Variants in CNTNAP5 observed in about 807,000 individuals in gnomAD.
The protein encoded by CNTNAP5 is contactin associated protein family member 5.
CNTNAP5 carries 72 observed loss-of-function variants against 150.2 expected under a neutral mutation model. That is an observed-to-expected ratio of 0.48 (90% CI 0.40 to 0.58). CNTNAP5 has a LOEUF of 0.58. Among genes scored for constraint, CNTNAP5 ranks in the 20% least tolerant of loss-of-function variants. The pLI, the probability that CNTNAP5 is intolerant of heterozygous loss-of-function variation, is 0.00. For missense variants in CNTNAP5, 1,636 were observed against 1,626.2 expected, an observed-to-expected ratio of 1.01 and a Z score of -0.10; for synonymous variants, 672 against 619.8, an observed-to-expected ratio of 1.08 and a Z score of -1.25.
At chr2:124,271,312 G>T (rs1249240474) in intron 3 of CNTNAP5, among the ~76,000 whole-genome samples, 1 of 152,100 alleles carries the variant, frequency 6.6e-6, no homozygotes, top group Non-Finnish European at 1.5e-5. Context: ...AGGAGTGCAG[G>T]ATTAGAAGGT....
At chr2:124,027,901 C>T (rs1223771527) in intron 1 of CNTNAP5, among the ~76,000 whole-genome samples, 3 of 152,140 alleles carry the variant, frequency 2.0e-5, no homozygotes, top group East Asian at 3.8e-4. Context: ...GTCTTCATAA[C>T]CTATGATGCA....
At chr2:124,407,129 A>G (rs572127811) in intron 3 of CNTNAP5, among the ~76,000 whole-genome samples, 7 of 152,272 alleles carry the variant, frequency 4.6e-5, no homozygotes, top group African/African-American at 1.7e-4. Flanking sequence ...TGCTGTTGTA[A>G]GTAGTGCTGT....
intron 8 of CNTNAP5, 79 bp downstream of exon 8, chr2:124,504,635 G>A (rs1024528778): frequency 7.1e-7 from 1 of 1,416,708 alleles, no homozygotes; most frequent in Admixed American, 1.9e-5. Flanking sequence ...AAAACATACA[G>A]AATCCAAATC....
chr2:124,388,376 A>G lies in CNTNAP5; in HGVS notation c.382-29067A>G, dbSNP rs1690988970. ...TGCAAAGCACTGCTGATGCCACTCCAGAAAGGCAAGCATGCGGTTCTGCAG... is the reference window on the plus strand; with the variant it reads ...TGCAAAGCACTGCTGATGCCACTCCGGAAAGGCAAGCATGCGGTTCTGCAG... On this transcript the variant is annotated intron_variant, in intron 3 of 23. Coordinates refer to ENST00000682447, the MANE Select transcript of CNTNAP5 (RefSeq NM_001367498.1). Among the ~76,000 whole-genome samples the G allele has an allele frequency of 2.0e-5, 3 of 152,204 alleles. No homozygotes were observed. In the South Asian group the frequency reaches 6.2e-4, roughly 32 times the overall value.
rs534854987 is a variant in CNTNAP5 at position 124,849,300 on chromosome 2, T to C, written c.3218-16006T>C. 1.2e-4 allele frequency among the ~76,000 whole-genome samples: 19 copies of C among 152,294 alleles called. No individual in the cohort carries two copies. The East Asian group carries it at 2.5e-3, about 20-fold the overall frequency. On this transcript the variant is annotated intron_variant, in intron 19 of 23. Transcript: ENST00000682447. ...AGTTGATCACAAATGTATAGGTTTA[T>C]TTCTGGGATCTCTCCTCTATTACTT...
intron 13 of CNTNAP5, among the ~76,000 whole-genome samples, chr2:124,693,691 C>T (rs964535973): frequency 6.6e-6 from 1 of 152,026 alleles, no homozygotes; most frequent in Non-Finnish European, 1.5e-5. Context: ...CTACTGGGCT[C>T]CACTGCCCTA....
rs72963812 is a variant in CNTNAP5 at position 124,825,156 on chromosome 2, G to A, written c.3217+26836G>A. On this transcript the variant is annotated intron_variant, in intron 19 of 23. Transcript: ENST00000682447. ...ACTGAGAGTGTTTGGTAAATATACC[G>A]CATTCTGCTATGGTCTATCTACACT... is the stretch of plus-strand genomic sequence containing the variant. Among the ~76,000 whole-genome samples, 1,125 of 151,920 alleles carry A rather than the reference G, an allele frequency of 7.4e-3. 17 individuals carry two copies. Among genetic ancestry groups the A allele is most frequent in the African/African-American group, 0.026 (1,061 of 41,440 alleles).
At chr2:124,810,009 G>GA (rs1241495800) in intron 19 of CNTNAP5, among the ~76,000 whole-genome samples, 5 of 152,152 alleles carry the variant, frequency 3.3e-5, no homozygotes, top group Admixed American at 6.5e-5. Flanking sequence ...GCAGATAGTG[G>GA]AAAAACACCA....
At chr2:124,682,622 T>C (rs911986442) in intron 13 of CNTNAP5, among the ~76,000 whole-genome samples, 1 of 152,202 alleles carries the variant, frequency 6.6e-6, no homozygotes, top group African/African-American at 2.4e-5. Flanking sequence ...GTAGTTTCTC[T>C]CGGGTAGACA....
chr2:124,805,002 T>G (rs57887748), intron 19 of CNTNAP5, among the ~76,000 whole-genome samples: 5,769 of 149,796 alleles, frequency 0.039, 349 homozygotes, highest in African/African-American at 0.14. Flanking sequence ...TACTCCTCTT[T>G]GTATGAAATA....
chr2:124,124,742 G>C (rs939440019), intron 1 of CNTNAP5, among the ~76,000 whole-genome samples: 27 of 152,188 alleles, frequency 1.8e-4, no homozygotes, highest in African/African-American at 6.3e-4. Context: ...AGCCAGAAGA[G>C]AGTGGGGGCC....
intron 1 of CNTNAP5, among the ~76,000 whole-genome samples, chr2:124,174,977 A>G (rs1481664308): frequency 6.6e-6 from 1 of 152,248 alleles, no homozygotes; most frequent in East Asian, 1.9e-4. Context: ...CTGAAGGCTC[A>G]GGTGATCATT....
Position 124,109,513 on chromosome 2 carries a change from T to A in CNTNAP5, c.82+83781T>A, listed in dbSNP as rs974253837. ...GCCTCTTGCCCACCCTTGGTTCAGA[T>A]AACAAGCGTATCCTGGAACAAAAGT... On this transcript the variant is annotated intron_variant, in intron 1 of 23. Transcript: ENST00000682447. Among the ~76,000 whole-genome samples, 3 of 152,198 alleles carry A rather than the reference T, an allele frequency of 2.0e-5. No homozygotes were observed. The South Asian group carries it at 6.2e-4, about 32-fold the overall frequency.
chr2:124,829,699 A>T (rs1178372458), intron 19 of CNTNAP5, among the ~76,000 whole-genome samples: 2 of 151,830 alleles, frequency 1.3e-5, no homozygotes, highest in Non-Finnish European at 2.9e-5. Flanking sequence ...ATCCATATTT[A>T]TTATTATTTA....
intron 4 of CNTNAP5, among the ~76,000 whole-genome samples, chr2:124,425,040 T>A (rs1486764156): frequency 6.6e-6 from 1 of 152,222 alleles, no homozygotes; most frequent in East Asian, 1.9e-4. Flanking sequence ...GACCAAGTAG[T>A]TGGATCAACC....
chr2:124,786,386 A>AAGGAAG (rs1681579321), intron 17 of CNTNAP5, among the ~76,000 whole-genome samples: 6 of 85,818 alleles, frequency 7.0e-5, no homozygotes, highest in South Asian at 4.7e-4. Flanking sequence ...AAAGAAAGAA[A>AAGGAAG]GAAAGAAAGA....
chr2:124,161,774 T>G (rs1039691058), intron 1 of CNTNAP5, among the ~76,000 whole-genome samples: 20 of 152,178 alleles, frequency 1.3e-4, no homozygotes, highest in African/African-American at 4.6e-4. Context: ...TGGTTTAATG[T>G]TCTACCACAG....
chr2:124,256,390 AT>A (rs148475669), intron 3 of CNTNAP5, among the ~76,000 whole-genome samples: 134 of 149,816 alleles, frequency 8.9e-4, no homozygotes, highest in South Asian at 8.7e-3. Context: ...GAGGGCTGGC[AT>A]TTTTTTTTTA....
chr2:124,422,085 A>G (rs1417432018), intron 4 of CNTNAP5, among the ~76,000 whole-genome samples: 2 of 152,216 alleles, frequency 1.3e-5, no homozygotes, highest in African/African-American at 2.4e-5. Flanking sequence ...GTCAGTAAGT[A>G]TTTGTTGAAT....
Sources: allele counts gnomAD v4.1 joint callset (sites outside exome capture counted in the v4.1 genomes callset), GRCh38; gene constraint gnomAD v4.1.1; transcripts MANE v1.5; gene names NCBI Gene and HGNC (gene_info 2026-07-23, HGNC 2026-07-21).